AFF1: variants seen among roughly 807,000 people sequenced by gnomAD.
AFF1 encodes ALF transcription elongation factor 1, also known as AF4/FMR2 family member 1.
AFF1 carries 48 observed loss-of-function variants against 121.7 expected under a neutral mutation model. That is an observed-to-expected ratio of 0.39 (90% CI 0.31 to 0.50). AFF1 has a LOEUF of 0.50. Among genes scored for constraint, AFF1 ranks in the 20% least tolerant of loss-of-function variants. AFF1 has a pLI of 0.76. For missense variants in AFF1, 1,523 were observed against 1,511.7 expected, an observed-to-expected ratio of 1.01 and a Z score of -0.12; for synonymous variants, 613 against 563.0, an observed-to-expected ratio of 1.09 and a Z score of -1.26.
At chr4:87,127,168 C>CCCT in intron 15 of AFF1, 51 bp downstream of exon 15, 1 of 1,252,038 alleles carries the variant, frequency 8.0e-7, no homozygotes, top group Non-Finnish European at 1.1e-6. Context: ...GTTTTGCTTC[C>CCCT]CCCCCCCACC....
chr4:87,022,588 CTA>C lies in AFF1; in HGVS notation c.39-23574_39-23573del, dbSNP rs201253125. 5.5e-5 allele frequency among the ~76,000 whole-genome samples: 6 copies of C among 108,296 alleles called. 1 individual carries two copies. Among genetic ancestry groups the C allele is most frequent in the Admixed American group, 2.1e-4 (2 of 9,576 alleles). The allele number at this position is 108,296 out of a possible 152,430, so 71.0% of individuals were successfully genotyped here. A position where few individuals can be genotyped will look rare whatever the true frequency, so the allele number is the denominator to read the frequency against. On this transcript the variant is annotated intron_variant, in intron 2 of 20. Coordinates refer to ENST00000395146, the MANE Select transcript of AFF1 (RefSeq NM_001166693.3). The stretch of plus-strand genomic sequence containing the variant: ...TATATATATATATATATATATCTAT[CTA>C]TATCTATCTGTGTGTATATATATCT...
intron 2 of AFF1, among the ~76,000 whole-genome samples, chr4:86,957,236 T>C (rs1381452180): frequency 6.6e-6 from 1 of 152,198 alleles, no homozygotes; most frequent in East Asian, 1.9e-4. Flanking sequence ...TTATACTGTC[T>C]TGATGTGGGA....
In AFF1 at chr4:87,022,584, C is replaced by CA. The variant is rs1728073100; in HGVS notation, c.39-23582_39-23581insA. 3.9e-3 allele frequency among the ~76,000 whole-genome samples: 433 copies of CA among 112,428 alleles called. 10 individuals are homozygous for CA. Among genetic ancestry groups the CA allele is most frequent in the African/African-American group, 0.011 (345 of 31,988 alleles). The allele number at this position is 112,428 out of a possible 152,430, so 73.8% of individuals were successfully genotyped here. A position where few individuals can be genotyped will look rare whatever the true frequency, so the allele number is the denominator to read the frequency against. ...TATATATATATATATATATATATATCTATCTATATCTATCTGTGTGTATAT... is the reference window on the plus strand; with the variant it reads ...TATATATATATATATATATATATATCATATCTATATCTATCTGTGTGTATAT... On this transcript the variant is annotated intron_variant, in intron 2 of 20. Coordinates refer to ENST00000395146, the MANE Select transcript of AFF1 (RefSeq NM_001166693.3).
chr4:86,939,538 G>C (rs1174432470), intron 1 of AFF1, among the ~76,000 whole-genome samples: 3 of 152,138 alleles, frequency 2.0e-5, no homozygotes, highest in African/African-American at 7.2e-5. Context: ...GTGTTTATTT[G>C]CACTAGATAA....
At chr4:86,952,333 G>A (rs937845813) in intron 2 of AFF1, among the ~76,000 whole-genome samples, 4 of 152,160 alleles carry the variant, frequency 2.6e-5, no homozygotes, top group African/African-American at 7.2e-5. Context: ...TCAGACTGGT[G>A]AAAATTTAAG....
rs527750707 is a variant in AFF1 at position 87,107,917 on chromosome 4, A to C, written c.1377-242A>C. ...ACTTAAATTTTGGATCACTTGACAT[A>C]TTCTTCAGGAGTAAAATTTCACAGG... On this transcript the variant is annotated intron_variant, in intron 10 of 20. Transcript: ENST00000395146. Among the ~76,000 whole-genome samples the C allele has an allele frequency of 3.9e-5, 6 of 152,310 alleles. No homozygotes were observed. The East Asian group carries it at 1.2e-3, about 29-fold the overall frequency.
At chr4:86,951,194 T>A (rs1027268194) in intron 2 of AFF1, among the ~76,000 whole-genome samples, 2 of 152,200 alleles carry the variant, frequency 1.3e-5, no homozygotes, top group African/African-American at 4.8e-5. Flanking sequence ...TTCGGCTCTT[T>A]TAAGCGGAAC....
At chr4:87,125,173 C>G (rs2149789689) in intron 13 of AFF1, 30 bp downstream of exon 13, 1 of 1,543,920 alleles carries the variant, frequency 6.5e-7, no homozygotes, top group Non-Finnish European at 8.8e-7. Context: ...ACCACCTAAT[C>G]TACGGTGATC....
chr4:87,096,387 C>T (rs1340195848), intron 8 of AFF1, among the ~76,000 whole-genome samples: 19 of 131,824 alleles, frequency 1.4e-4, no homozygotes, highest in South Asian at 5.3e-4. Flanking sequence ...GGGACACACC[C>T]GGCTTTTTTT....
At chr4:87,118,359 A>C (rs1727334987) in intron 12 of AFF1, among the ~76,000 whole-genome samples, 1 of 152,258 alleles carries the variant, frequency 6.6e-6, no homozygotes, top group Non-Finnish European at 1.5e-5. Context: ...CATGAGGAAA[A>C]GTAGAGAAAA....
chr4:87,093,463 C>T (rs1298089547), intron 7 of AFF1, among the ~76,000 whole-genome samples: 1 of 152,192 alleles, frequency 6.6e-6, no homozygotes, highest in East Asian at 1.9e-4. Context: ...ATTTCTTCAA[C>T]ACTTGATCTT....
chr4:87,065,137 G>A (rs1258656623), intron 4 of AFF1, among the ~76,000 whole-genome samples: 1 of 152,130 alleles, frequency 6.6e-6, no homozygotes, highest in East Asian at 1.9e-4. Flanking sequence ...CCTGAGACTG[G>A]GCAATTTACA....
At chr4:87,006,549 G>A (rs1482711551) in intron 2 of AFF1, among the ~76,000 whole-genome samples, 1 of 152,204 alleles carries the variant, frequency 6.6e-6, no homozygotes. Context: ...AATCAAAACT[G>A]AAAGCGGAGT....
intron 6 of AFF1, 43 bp from the exon 7 acceptor site, chr4:87,091,750 G>T (rs1467810479): frequency 2.3e-6 from 3 of 1,291,322 alleles, no homozygotes; most frequent in Non-Finnish European, 1.1e-6. Flanking sequence ...AACTTTATAA[G>T]CCTTAATCTT....
intron 2 of AFF1, among the ~76,000 whole-genome samples, chr4:86,956,391 A>G (rs905935267): frequency 2.0e-5 from 3 of 152,198 alleles, no homozygotes; most frequent in Non-Finnish European, 4.4e-5. Context: ...ATAAGAAGAC[A>G]CTGCTACATA....
chr4:86,959,551 CT>C (rs1253462894), intron 2 of AFF1, among the ~76,000 whole-genome samples: 1 of 149,478 alleles, frequency 6.7e-6, no homozygotes, highest in Non-Finnish European at 1.5e-5. Flanking sequence ...AAATGGGTGC[CT>C]TTTGAACTCA....
chr4:87,034,153 G>T (rs966996206), intron 2 of AFF1, among the ~76,000 whole-genome samples: 1 of 152,202 alleles, frequency 6.6e-6, no homozygotes, highest in East Asian at 1.9e-4. Flanking sequence ...AGTGGAGAGA[G>T]AGCGAGTCTT....
intron 2 of AFF1, chr4:86,973,751 C>CT (rs1723101757): frequency 6.6e-6 from 1 of 151,446 alleles, no homozygotes; most frequent in Non-Finnish European, 1.5e-5. Context: ...TTCTCTTTTC[C>CT]TTTCTTTTTT....
intron 1 of AFF1, among the ~76,000 whole-genome samples, chr4:86,945,286 G>C (rs1720770400): frequency 6.6e-6 from 1 of 150,454 alleles, no homozygotes; most frequent in South Asian, 2.1e-4. Context: ...TTTTTAAATA[G>C]AGCCAAGTTA....
Sources: allele counts gnomAD v4.1 joint callset (sites outside exome capture counted in the v4.1 genomes callset), GRCh38; gene constraint gnomAD v4.1.1; transcripts MANE v1.5; gene names NCBI Gene and HGNC (gene_info 2026-07-23, HGNC 2026-07-21).